Variants in ARFIP1 observed in about 807,000 individuals in gnomAD.
ARFIP1 encodes ARF interacting protein 1.
Under a neutral mutation model 42.5 loss-of-function variants are expected in ARFIP1, and 24 were observed. That is an observed-to-expected ratio of 0.57 (90% CI 0.41 to 0.80). ARFIP1 has a LOEUF of 0.80. Ranked by LOEUF, ARFIP1 falls within the 30% of genes least tolerant of loss-of-function variation. ARFIP1 has a pLI of 0.00. For synonymous variants in ARFIP1, 141 were observed against 153.7 expected, an observed-to-expected ratio of 0.92 and a Z score of 0.61; for missense variants, 354 against 434.0, an observed-to-expected ratio of 0.82 and a Z score of 1.64.
chr4:152,855,094 G>A (rs1733314456), intron 2 of ARFIP1, among the ~76,000 whole-genome samples: 1 of 152,204 alleles, frequency 6.6e-6, no homozygotes, highest in African/African-American at 2.4e-5. Context: ...GGCAGTGGCT[G>A]TGATGGGCTG....
chr4:152,788,124 T>C (rs1394736962), intron 1 of ARFIP1, among the ~76,000 whole-genome samples: 2 of 152,094 alleles, frequency 1.3e-5, no homozygotes, highest in South Asian at 2.1e-4. Flanking sequence ...TTCCAGCTAC[T>C]TGGGAGGTTG....
At chr4:152,896,795 TTA>T (rs1186438136) in intron 8 of ARFIP1, among the ~76,000 whole-genome samples, 1 of 152,160 alleles carries the variant, frequency 6.6e-6, no homozygotes, top group Non-Finnish European at 1.5e-5. Context: ...ATACTGTGCC[TTA>T]TCTTTTTTTC....
chr4:152,784,668 G>A (rs959650770), intron 1 of ARFIP1, among the ~76,000 whole-genome samples: 2 of 152,206 alleles, frequency 1.3e-5, no homozygotes, highest in Non-Finnish European at 2.9e-5. Context: ...GTCACTTCGT[G>A]ACCTCAGTCA....
intron 6 of ARFIP1, among the ~76,000 whole-genome samples, chr4:152,881,644 A>G (rs576135604): frequency 3.3e-5 from 5 of 152,270 alleles, no homozygotes; most frequent in East Asian, 1.9e-4. Context: ...TTTTACATGC[A>G]TTGATTGGTA....
intron 3 of ARFIP1, among the ~76,000 whole-genome samples, chr4:152,865,737 T>G (rs1734271284): frequency 6.6e-6 from 1 of 152,188 alleles, no homozygotes; most frequent in African/African-American, 2.4e-5. Context: ...GCTGACTGAG[T>G]ACCTAAAACT....
At chr4:152,881,275 C>T (rs1044986726) in intron 6 of ARFIP1, 91 bp downstream of exon 6, 74 of 997,874 alleles carry the variant, frequency 7.4e-5, no homozygotes, top group Non-Finnish European at 1.2e-5. Context: ...TTGCTGAACT[C>T]TTAATGAAGA....
At chr4:152,902,272 T>G (rs534185462) in intron 8 of ARFIP1, among the ~76,000 whole-genome samples, 138 of 152,192 alleles carry the variant, frequency 9.1e-4, no homozygotes, top group Admixed American at 1.6e-3. Context: ...TAGTCCAGGG[T>G]GGGAGGATCA....
At chr4:152,853,928 T>TTTG (rs1561143890) in intron 2 of ARFIP1, among the ~76,000 whole-genome samples, 5 of 144,146 alleles carry the variant, frequency 3.5e-5, no homozygotes, top group Admixed American at 6.8e-5. Context: ...TTTTTTTTTT[T>TTTG]GAGACTGAGT....
intron 1 of ARFIP1, among the ~76,000 whole-genome samples, chr4:152,786,883 CT>C (rs1289470043): frequency 6.6e-6 from 1 of 152,224 alleles, no homozygotes; most frequent in Non-Finnish European, 1.5e-5. Context: ...ACCATTCTTT[CT>C]TTACTTTCAT....
Position 152,880,968 on chromosome 4 carries a change from T to C in ARFIP1, c.417T>C (p.Thr139=), listed in dbSNP as rs773872530. The stretch of plus-strand genomic sequence containing the variant: ...AATGCATCTTCCACTTTTAGTGTAC[T>C]CGACAGATTATCTCTGAGAAGCTAG... ...RKWSLNTYKC[T]RQIISEKLGR... is the part of the protein sequence containing the mutation. Residue 139 remains threonine (T), a synonymous_variant, in exon 6 of 9, where the codon ACT becomes ACC. Coordinates refer to ENST00000353617, the MANE Select transcript of ARFIP1 (RefSeq NM_001025595.3). The C allele has an allele frequency of 6.2e-7, 1 of 1,611,904 alleles. No homozygotes were observed. Among genetic ancestry groups the C allele is most frequent in the South Asian group, 1.1e-5 (1 of 90,898 alleles).
chr4:152,889,105 T>G lies in ARFIP1; in HGVS notation c.966+798T>G, dbSNP rs187257006. Among the ~76,000 whole-genome samples, 617 of 152,226 alleles carry G rather than the reference T, an allele frequency of 4.1e-3. 1 individual carries two copies. The highest frequency in any genetic ancestry group is 7.2e-3 in the Non-Finnish European group (492 of 67,986). The stretch of plus-strand genomic sequence containing the variant: ...TGTGAAGTCATGACAGGTCTTCAAC[T>G]GTACTCTCTTCCAGGTACCCTCTTA... On this transcript the variant is annotated intron_variant, in intron 8 of 8. Transcript: ENST00000353617.
intron 3 of ARFIP1, among the ~76,000 whole-genome samples, chr4:152,867,020 C>T (rs1299877875): frequency 6.7e-6 from 1 of 150,222 alleles, no homozygotes; most frequent in Non-Finnish European, 1.5e-5. Context: ...GACTGGGCAG[C>T]CAGGCAGAGG....
intron 2 of ARFIP1, among the ~76,000 whole-genome samples, chr4:152,849,462 A>G (rs759557680): frequency 9.2e-5 from 14 of 152,342 alleles, no homozygotes; most frequent in Non-Finnish European, 1.9e-4. Context: ...ATATTTCCAC[A>G]GTGATAGTAT....
At chr4:152,878,800 C>T (rs1735580647) in intron 5 of ARFIP1, among the ~76,000 whole-genome samples, 1 of 152,156 alleles carries the variant, frequency 6.6e-6, no homozygotes, top group African/African-American at 2.4e-5. Flanking sequence ...TGCTAAGAAA[C>T]AATCCTTCTT....
intron 1 of ARFIP1, among the ~76,000 whole-genome samples, chr4:152,791,262 G>A (rs1199628178): frequency 2.0e-5 from 3 of 152,028 alleles, no homozygotes; most frequent in African/African-American, 7.2e-5. Flanking sequence ...CATTTCTTTT[G>A]CATTGGACAG....
intron 5 of ARFIP1, among the ~76,000 whole-genome samples, chr4:152,875,162 T>TA: frequency 6.6e-6 from 1 of 152,262 alleles, no homozygotes. Context: ...AAATATATAA[T>TA]AGGAGCAATT....
At chr4:152,841,068 G>A (rs768709486) in intron 2 of ARFIP1, among the ~76,000 whole-genome samples, 14 of 147,664 alleles carry the variant, frequency 9.5e-5, no homozygotes, top group Middle Eastern at 3.5e-3. Context: ...GTCTCGCCTC[G>A]CTCTGTTGCC....
intron 8 of ARFIP1, 92 bp from the exon 9 acceptor site, chr4:152,909,972 T>G: frequency 6.9e-7 from 1 of 1,459,086 alleles, no homozygotes; most frequent in Non-Finnish European, 9.4e-7. Flanking sequence ...TCAAGAGAGA[T>G]ACACTATTTA....
At chr4:152,836,964 T>G (rs1378351227) in intron 2 of ARFIP1, among the ~76,000 whole-genome samples, 3 of 150,580 alleles carry the variant, frequency 2.0e-5, no homozygotes, top group Admixed American at 1.3e-4. Context: ...TAAAGTCCAT[T>G]GTATCATTCT....
Sources: gnomAD v4.1 joint callset for allele counts (sites outside exome capture counted in the v4.1 genomes callset) on GRCh38, gnomAD v4.1.1 for gene constraint, MANE v1.5 for transcripts, NCBI Gene and HGNC (gene_info 2026-07-23, HGNC 2026-07-21) for gene names.